The following EDNRB variants were observed in gnomAD, a reference collection of about 807,000 sequenced individuals.
The protein encoded by EDNRB is endothelin receptor type B, also known as Hirschsprung disease 2.
A neutral mutation model predicts 46.4 loss-of-function variants in EDNRB; 18 were observed. That is an observed-to-expected ratio of 0.39 (90% confidence interval 0.27 to 0.57). The LOEUF (loss-of-function observed/expected upper bound fraction) is 0.57, where lower values mean the gene tolerates loss of function less well. Among genes scored for constraint, EDNRB ranks in the 20% least tolerant of loss-of-function variants. EDNRB has a pLI of 0.61. For synonymous variants in EDNRB, 213 were observed against 204.9 expected, an observed-to-expected ratio of 1.04 and a Z score of -0.34; for missense variants, 434 against 537.5, an observed-to-expected ratio of 0.81 and a Z score of 1.90.
chr13:77,918,384 G>C lies in EDNRB; in HGVS notation c.190C>G (p.Arg64Gly), dbSNP rs139147111. 6.2e-7 allele frequency: 1 copy of C among 1,604,614 alleles called. No homozygotes were observed. Among genetic ancestry groups the C allele is most frequent in the African/African-American group, 1.3e-5 (1 of 74,480 alleles). Residue 64 changes from arginine to glycine, a missense_variant, in exon 1 of 7, where the codon CGG becomes GGG. Coordinates refer to ENST00000646607, the MANE Select transcript of EDNRB (RefSeq NM_001122659.3). This position sits in a 1 kb window ranked among gnomAD's most constrained non-coding sequence, Gnocchi z 4.5. ...WPKGSNASLA[R>G]SLAPAEVPKG... The stretch of plus-strand genomic sequence containing the variant: ...GGCACCTCCGCAGGTGCCAACGACC[G>C]CGCCAGACTGGCGTTGGAACCCTTG...
chr13:77,909,927 G>T (rs1879488785), intron 1 of EDNRB, among the ~76,000 whole-genome samples: 1 of 151,946 alleles, frequency 6.6e-6, no homozygotes, highest in African/African-American at 2.4e-5. Context: ...TGAGGCTTGA[G>T]AGTGGGCTGG....
At chr13:77,961,474 A>G (rs1881409712) in intron 1 of EDNRB, among the ~76,000 whole-genome samples, 1 of 152,172 alleles carries the variant, frequency 6.6e-6, no homozygotes, top group Non-Finnish European at 1.5e-5. Context: ...GGATTAAGAA[A>G]CTCACTCAAA....
intron 1 of EDNRB, among the ~76,000 whole-genome samples, chr13:77,933,392 G>A (rs1880459246): frequency 6.6e-6 from 1 of 152,184 alleles, no homozygotes; most frequent in South Asian, 2.1e-4. Context: ...CAGTCAAAGG[G>A]GGGTTGTTCT....
intron 1 of EDNRB, among the ~76,000 whole-genome samples, chr13:77,957,668 C>T (rs1357861142): frequency 1.3e-5 from 2 of 152,148 alleles, no homozygotes; most frequent in Non-Finnish European, 2.9e-5. Flanking sequence ...TAAATGTCAG[C>T]TTTTATTTTT....
chr13:77,974,351 C>T (rs548445266), intron 1 of EDNRB, among the ~76,000 whole-genome samples: 2 of 152,172 alleles, frequency 1.3e-5, no homozygotes, highest in African/African-American at 4.8e-5. Context: ...GTAGTTGCTG[C>T]TACAGATTGA....
In EDNRB at chr13:77,896,872, G is replaced by A; in HGVS notation, c.*1328C>T. 9.8e-7 allele frequency: 1 copy of A among 1,024,210 alleles called. No homozygotes were observed. Among genetic ancestry groups the A allele is most frequent in the African/African-American group, 1.7e-5 (1 of 58,410 alleles). The allele number at this position is 1,024,210 out of a possible 1,614,324, so 63.4% of individuals were successfully genotyped here. A position where few individuals can be genotyped will look rare whatever the true frequency, so the allele number is the denominator to read the frequency against. On this transcript the variant is annotated 3_prime_UTR_variant, in exon 7 of 7. Transcript: ENST00000646607. ...CTTAGAAGATATAAAAATTAGGCAG[G>A]AACGCACAAAGCTAAGAGGTTCTTA...
chr13:77,913,451 C>T (rs1006877405), intron 1 of EDNRB, among the ~76,000 whole-genome samples: 2 of 152,086 alleles, frequency 1.3e-5, no homozygotes, highest in Non-Finnish European at 2.9e-5. Flanking sequence ...ACCTTTGGAT[C>T]CTTACCAAAC....
chr13:77,944,809 A>T (rs1880857857), intron 1 of EDNRB: 1 of 152,210 alleles, frequency 6.6e-6, no homozygotes. Context: ...GTTTACCTGC[A>T]TGTTAGAGGA....
At chr13:77,922,551 G>A (rs560167177), upstream of EDNRB, among the ~76,000 whole-genome samples, 4 of 152,162 alleles carry the variant, frequency 2.6e-5, no homozygotes. Flanking sequence ...TGGTTCAACT[G>A]GTTCTCCACA....
At chr13:77,933,300 A>G (rs1331202084) in intron 1 of EDNRB, among the ~76,000 whole-genome samples, 1 of 152,222 alleles carries the variant, frequency 6.6e-6, no homozygotes, top group Non-Finnish European at 1.5e-5. Flanking sequence ...GGGTGCAGGC[A>G]GGCTGAGTCC....
At chr13:77,936,605 A>C in intron 1 of EDNRB, among the ~76,000 whole-genome samples, 1 of 152,222 alleles carries the variant, frequency 6.6e-6, no homozygotes, top group South Asian at 2.1e-4. Context: ...TAAGCCGAGA[A>C]GATCTGGGAA....
At chr13:77,923,837 G>A (rs1392691729), upstream of EDNRB, among the ~76,000 whole-genome samples, 2 of 151,508 alleles carry the variant, frequency 1.3e-5, no homozygotes, top group African/African-American at 4.9e-5. Context: ...GAATGTGCTA[G>A]GAGAGTCCAA....
intron 1 of EDNRB, among the ~76,000 whole-genome samples, chr13:77,907,266 C>T (rs1457329333): frequency 6.6e-6 from 1 of 151,892 alleles, no homozygotes; most frequent in African/African-American, 2.4e-5. Context: ...GGCCATTATC[C>T]AATCTCTTGA....
intron 1 of EDNRB, among the ~76,000 whole-genome samples, chr13:77,950,933 A>G (rs1881073010): frequency 6.6e-6 from 1 of 152,184 alleles, no homozygotes; most frequent in Non-Finnish European, 1.5e-5. Context: ...GAAAAGTTCC[A>G]AACCTGCGAG....
chr13:77,900,826 G>A (rs1273378267), intron 4 of EDNRB, among the ~76,000 whole-genome samples, 172 bp from the exon 5 acceptor site: 1 of 151,892 alleles, frequency 6.6e-6, no homozygotes, highest in African/African-American at 2.4e-5. Flanking sequence ...GAAGTGACTA[G>A]AGATTCATCT....
chr13:77,897,258 A>G lies in EDNRB; in HGVS notation c.*942T>C. The G allele has an allele frequency of 1.0e-6, 1 of 985,246 alleles. No homozygotes were observed. The highest frequency in any genetic ancestry group is 1.2e-6 in the Non-Finnish European group (1 of 829,868). The allele number at this position is 985,246 out of a possible 1,614,324, so 61.0% of individuals were successfully genotyped here. ...CATCTACATGCAGTGTATGTAGGTAAGTATTTACAGATGACAAAACCAAAC... is the reference window on the plus strand; with the variant it reads ...CATCTACATGCAGTGTATGTAGGTAGGTATTTACAGATGACAAAACCAAAC... On this transcript the variant is annotated 3_prime_UTR_variant, in exon 7 of 7. Coordinates refer to ENST00000646607, the MANE Select transcript of EDNRB (RefSeq NM_001122659.3).
At chr13:77,966,489 T>A (rs1194367783) in intron 1 of EDNRB, among the ~76,000 whole-genome samples, 2 of 152,240 alleles carry the variant, frequency 1.3e-5, no homozygotes, top group Non-Finnish European at 2.9e-5. Flanking sequence ...TTGAATAAAT[T>A]TGAATTGATC....
intron 6 of EDNRB, 145 bp from the exon 7 acceptor site, chr13:77,898,479 G>T (rs1309814169): frequency 1.2e-5 from 15 of 1,212,878 alleles, no homozygotes; most frequent in Non-Finnish European, 1.6e-5. Flanking sequence ...CCTCTTAAAA[G>T]AATATAATCA....
At chr13:77,950,617 CA>C (rs1881064435) in intron 1 of EDNRB, among the ~76,000 whole-genome samples, 1 of 152,186 alleles carries the variant, frequency 6.6e-6, no homozygotes, top group Non-Finnish European at 1.5e-5. Context: ...ACACCTGCTG[CA>C]GGGTTTTATC....
Sources: allele counts gnomAD v4.1 joint callset (sites outside exome capture counted in the v4.1 genomes callset), GRCh38; gene constraint gnomAD v4.1.1; non-coding constraint Gnocchi (gnomAD v3.1); transcripts MANE v1.5; gene names NCBI Gene and HGNC (gene_info 2026-07-23, HGNC 2026-07-21).